The following ZNF407 variants were observed in gnomAD, a reference collection of about 807,000 sequenced individuals.
ZNF407 encodes the protein zinc finger protein 407.
ZNF407 carries 17 observed loss-of-function variants against 131.2 expected under a neutral mutation model. That is an observed-to-expected ratio of 0.13 (90% CI 0.09 to 0.19). The LOEUF is 0.19. ZNF407 is among the 10% of genes least tolerant of loss of function. ZNF407 has a pLI of 1.00. For missense variants in ZNF407, 2,681 were observed against 2,830.6 expected (o/e 0.95, Z 1.20); for synonymous variants, 1,156 against 1,062.0 (o/e 1.09, Z -1.72).
intron 8 of ZNF407, among the ~76,000 whole-genome samples, chr18:75,020,139 A>G (rs144106666): frequency 1.3e-5 from 2 of 152,298 alleles, no homozygotes; most frequent in Non-Finnish European, 2.9e-5. Context: ...ATGCTGGTGT[A>G]TTGTAATAAT....
chr18:74,997,426 C>T (rs1035121473), intron 8 of ZNF407, among the ~76,000 whole-genome samples: 14 of 152,266 alleles, frequency 9.2e-5, no homozygotes, highest in African/African-American at 3.4e-4. Flanking sequence ...GAAAAGGGAA[C>T]TGCTTGTTCA....
At chr18:74,766,264 G>A (rs1969229725) in intron 3 of ZNF407, among the ~76,000 whole-genome samples, 1 of 152,186 alleles carries the variant, frequency 6.6e-6, no homozygotes, top group Admixed American at 6.5e-5. Context: ...GAACTTGGGG[G>A]ACCCACAGGC....
In ZNF407 at chr18:74,703,108, G is replaced by T. The variant is rs961157919; in HGVS notation, c.4802+61986G>T. On this transcript the variant is annotated intron_variant, in intron 3 of 8. Transcript: ENST00000299687. The surrounding 1 kb of genome is among the most constrained non-coding windows in gnomAD (Gnocchi z 4.1). ...CCTGATGGAGGTGGAGCAGTTGCAG[G>T]GCTAGCCCCTGCTCACCCAAATGAG... 1.3e-5 allele frequency among the ~76,000 whole-genome samples: 2 copies of T among 152,222 alleles called. No homozygotes were observed. Among genetic ancestry groups the T allele is most frequent in the African/African-American group, 4.8e-5 (2 of 41,456 alleles).
intron 3 of ZNF407, among the ~76,000 whole-genome samples, chr18:74,764,538 C>A (rs1304397654): frequency 6.6e-6 from 1 of 152,110 alleles, no homozygotes; most frequent in African/African-American, 2.4e-5. Flanking sequence ...AATAATACAA[C>A]CCTAGAAATT....
chr18:74,766,930 G>A (rs1445316404), intron 3 of ZNF407, among the ~76,000 whole-genome samples: 1 of 151,884 alleles, frequency 6.6e-6, no homozygotes, highest in Admixed American at 6.6e-5. Context: ...ATTTTCTTTT[G>A]AGATAGAGTC....
chr18:75,045,095 G>A (rs1478923998), intron 8 of ZNF407, among the ~76,000 whole-genome samples: 1 of 147,894 alleles, frequency 6.8e-6, no homozygotes, highest in African/African-American at 2.5e-5. Flanking sequence ...GGGGGTGTGG[G>A]TGGGGTGTGT....
At chr18:75,038,070 A>G (rs1034104200) in intron 8 of ZNF407, among the ~76,000 whole-genome samples, 1 of 152,246 alleles carries the variant, frequency 6.6e-6, no homozygotes, top group African/African-American at 2.4e-5. Flanking sequence ...CTTAACAGAA[A>G]ATCCATATTA....
chr18:74,699,588 C>G (rs1967444414), intron 3 of ZNF407, among the ~76,000 whole-genome samples: 1 of 152,184 alleles, frequency 6.6e-6, no homozygotes, highest in South Asian at 2.1e-4. Flanking sequence ...GGGAGGTACA[C>G]AAGGATGAGG....
chr18:74,995,213 C>A (rs1453935150), intron 8 of ZNF407, among the ~76,000 whole-genome samples: 1 of 152,174 alleles, frequency 6.6e-6, no homozygotes, highest in Non-Finnish European at 1.5e-5. Context: ...CAAGTGTGAA[C>A]GGCAGGGCCT....
chr18:74,954,816 C>T (rs913087515), intron 8 of ZNF407, among the ~76,000 whole-genome samples: 1 of 152,176 alleles, frequency 6.6e-6, no homozygotes, highest in Admixed American at 6.5e-5. Flanking sequence ...ACCATCATTG[C>T]CATCCTTTCG....
Position 75,004,072 on chromosome 18 carries a change from A to ACC in ZNF407, c.5429-59076_5429-59075dup, listed in dbSNP as rs961486975. ...TGTTGAGAAACTAAAAGTTTAACCA[A>ACC]CCCTCTTTCTTGCTGCCTCACCTGC... On this transcript the variant is annotated intron_variant, in intron 8 of 8. Coordinates refer to ENST00000299687, the MANE Select transcript of ZNF407 (RefSeq NM_017757.3). Among the ~76,000 whole-genome samples, 5 of 151,972 alleles carry ACC rather than the reference A, an allele frequency of 3.3e-5. No individual in the cohort carries two copies. The South Asian group carries it at 1.0e-3, about 32-fold the overall frequency.
At chr18:74,925,572 G>C (rs1971903046) in intron 8 of ZNF407, among the ~76,000 whole-genome samples, 1 of 152,164 alleles carries the variant, frequency 6.6e-6, no homozygotes, top group Non-Finnish European at 1.5e-5. Flanking sequence ...TTGTAGAATA[G>C]AATGCAGTCT....
At chr18:74,807,081 G>A (rs1455271109) in intron 4 of ZNF407, among the ~76,000 whole-genome samples, 1 of 152,196 alleles carries the variant, frequency 6.6e-6, no homozygotes, top group Non-Finnish European at 1.5e-5. Context: ...AGCAACAGGT[G>A]ATTGTAGATA....
intron 8 of ZNF407, among the ~76,000 whole-genome samples, chr18:74,958,329 G>A (rs1330345381): frequency 6.6e-6 from 1 of 152,194 alleles, no homozygotes; most frequent in Non-Finnish European, 1.5e-5. Flanking sequence ...TAAGATAAAG[G>A]TTAAGTAAGT....
chr18:74,713,358 CTT>C (rs5826345), intron 3 of ZNF407, among the ~76,000 whole-genome samples: 2,255 of 84,472 alleles, frequency 0.027, 35 homozygotes, highest in African/African-American at 0.058. Flanking sequence ...ATTTTAGCAT[CTT>C]TTTTTTTTTT....
intron 7 of ZNF407, among the ~76,000 whole-genome samples, chr18:74,900,908 A>G (rs1288783044): frequency 6.6e-6 from 1 of 152,140 alleles, no homozygotes; most frequent in Non-Finnish European, 1.5e-5. Context: ...ATTGTTCCCT[A>G]CCTTCTTCAA....
At chr18:74,967,805 A>G (rs961719913) in intron 8 of ZNF407, among the ~76,000 whole-genome samples, 1 of 152,244 alleles carries the variant, frequency 6.6e-6, no homozygotes, top group African/African-American at 2.4e-5. Context: ...GCTGTTTCTT[A>G]AAATTGACAA....
At chr18:74,623,782 G>T (rs1983668482) in intron 1 of ZNF407, among the ~76,000 whole-genome samples, 1 of 152,118 alleles carries the variant, frequency 6.6e-6, no homozygotes, top group Non-Finnish European at 1.5e-5. Context: ...GACAGTTTCT[G>T]GGTGAATTAA....
At chr18:74,618,008 C>T (rs987250401) in intron 1 of ZNF407, among the ~76,000 whole-genome samples, 7 of 152,310 alleles carry the variant, frequency 4.6e-5, no homozygotes, top group Non-Finnish European at 4.4e-5. Context: ...TCTCCCCACT[C>T]CTCTCTCCGT....
Sources: gnomAD v4.1 joint callset for allele counts (sites outside exome capture counted in the v4.1 genomes callset) on GRCh38, gnomAD v4.1.1 for gene constraint, Gnocchi (gnomAD v3.1) non-coding constraint, MANE v1.5 for transcripts, NCBI Gene and HGNC (gene_info 2026-07-23, HGNC 2026-07-21) for gene names.